The following DLGAP2 variants were observed in gnomAD, a reference collection of about 807,000 sequenced individuals.
The protein encoded by DLGAP2 is DLG associated protein 2, also known as disks large-associated protein 2.
A neutral mutation model predicts 100.3 loss-of-function variants in DLGAP2; 26 were observed. The ratio of observed to expected loss-of-function variants is 0.26; its 90% CI spans 0.19 to 0.36. DLGAP2 has a LOEUF of 0.36. DLGAP2 is among the 10% of genes least tolerant of loss of function. The probability of loss-of-function intolerance (pLI) is 1.00; values close to 1 mark genes in which losing one functional copy is unlikely to be tolerated. For missense variants in DLGAP2, 1,858 were observed against 1,453.2 expected, an observed-to-expected ratio of 1.28 and a Z score of -4.53; for synonymous variants, 886 against 630.1, an observed-to-expected ratio of 1.41 and a Z score of -6.08.
At position 1,121,059 on chromosome 8, in the gene DLGAP2, T is replaced by C. The variant is rs116943981; in HGVS notation, c.74-137792T>C. On this transcript the variant is annotated intron_variant, in intron 2 of 14. Transcript: ENST00000637795. ...CCTTGTCCCTTCAGAACCCATGACC[T>C]CCCATCCTTATCCCTTTAGAACCCC... Among the ~76,000 whole-genome samples the C allele has an allele frequency of 1.6e-3, 232 of 145,466 alleles. 4 individuals carry two copies. The East Asian group carries it at 0.039, about 24-fold the overall frequency.
chr8:982,510 A>T (rs369153656), intron 2 of DLGAP2, among the ~76,000 whole-genome samples: 1 of 152,194 alleles, frequency 6.6e-6, no homozygotes, highest in Non-Finnish European at 1.5e-5. Context: ...AAAGATTTTT[A>T]TGAAGTGATA....
At chr8:1,018,893 G>C (rs2129023792) in intron 2 of DLGAP2, 1 of 152,274 alleles carries the variant, frequency 6.6e-6, no homozygotes. Flanking sequence ...ATGACAAGCT[G>C]GTGTGGCTGA....
At chr8:1,468,662 A>C (rs938717373) in intron 3 of DLGAP2, among the ~76,000 whole-genome samples, 1 of 152,100 alleles carries the variant, frequency 6.6e-6, no homozygotes, top group African/African-American at 2.4e-5. Context: ...CGCTTTATTT[A>C]CTGGGGCTGC....
chr8:1,613,992 C>T (rs559932018), intron 6 of DLGAP2, among the ~76,000 whole-genome samples: 58 of 152,302 alleles, frequency 3.8e-4, no homozygotes, highest in Non-Finnish European at 6.8e-4. Flanking sequence ...CTTTGCAATG[C>T]GTGACCTGAC....
rs368549853 is a variant in DLGAP2, at chr8:927,876, C to A, written c.73+19910C>A. ...AAATTGCAAAAAACAAACAAAAAAA[C>A]CCCACAAAGGACCAGCACACAGATG... On this transcript the variant is annotated intron_variant, in intron 2 of 14. Transcript: ENST00000637795. 4.9e-3 allele frequency among the ~76,000 whole-genome samples: 752 copies of A among 152,294 alleles called. 12 individuals are homozygous for A. Among genetic ancestry groups the A allele is most frequent in the African/African-American group, 0.017 (707 of 41,542 alleles).
In DLGAP2 at chr8:1,559,312, G is replaced by A. The variant is rs987931804; in HGVS notation, c.1231-6371G>A. On this transcript the variant is annotated intron_variant, in intron 5 of 14. Coordinates refer to ENST00000637795, the MANE Select transcript of DLGAP2 (RefSeq NM_001346810.2). The stretch of plus-strand genomic sequence containing the variant: ...GCCATAAAGCCATTTTGGTTTCAGA[G>A]CGTGCACTAGGCCACCCTGGGCTGA... Among the ~76,000 whole-genome samples the A allele has an allele frequency of 9.9e-5, 15 of 152,222 alleles. 1 individual carries two copies. The highest frequency in any genetic ancestry group is 8.3e-4 in the South Asian group (4 of 4,836).
chr8:1,193,125 A>G lies in DLGAP2; in HGVS notation c.74-65726A>G, dbSNP rs535541828. Among the ~76,000 whole-genome samples, 807 of 152,242 alleles carry G rather than the reference A, an allele frequency of 5.3e-3. 8 individuals are homozygous for G. Among genetic ancestry groups the G allele is most frequent in the African/African-American group, 0.018 (766 of 41,512 alleles). On this transcript the variant is annotated intron_variant, in intron 2 of 14. Coordinates refer to ENST00000637795, the MANE Select transcript of DLGAP2 (RefSeq NM_001346810.2). ...CTTTGCTATGGTGAATAGTGCCGCT[A>G]TAAACATACGTGTGCATGTGTCTTT...
intron 1 of DLGAP2, among the ~76,000 whole-genome samples, chr8:874,624 C>T (rs1797656449): frequency 1.3e-5 from 2 of 152,126 alleles, no homozygotes; most frequent in Admixed American, 6.5e-5. Context: ...TGTTTTATGG[C>T]TTAACATATG....
chr8:1,503,688 C>T (rs1799802803), intron 4 of DLGAP2, among the ~76,000 whole-genome samples: 2 of 152,150 alleles, frequency 1.3e-5, no homozygotes, highest in African/African-American at 4.8e-5. Flanking sequence ...TGAGGAACCT[C>T]CACACTGCTT....
chr8:1,590,202 C>T (rs749324181), intron 6 of DLGAP2, among the ~76,000 whole-genome samples: 9 of 152,164 alleles, frequency 5.9e-5, no homozygotes, highest in Non-Finnish European at 1.2e-4. Context: ...CAACTCATTT[C>T]GTCTGCAGTG....
chr8:861,020 G>A (rs1454529781), intron 1 of DLGAP2, among the ~76,000 whole-genome samples: 1 of 152,144 alleles, frequency 6.6e-6, no homozygotes, highest in Admixed American at 6.5e-5. Flanking sequence ...AGGCCCTGAG[G>A]TTGATGTGTT....
At chr8:778,595 G>A (rs965958811) in intron 1 of DLGAP2, among the ~76,000 whole-genome samples, 26 of 152,242 alleles carry the variant, frequency 1.7e-4, no homozygotes, top group Middle Eastern at 3.4e-3. Flanking sequence ...GTCTTTTGGA[G>A]TACCCTGCCC....
chr8:974,021 A>C (rs1010473366), intron 2 of DLGAP2, among the ~76,000 whole-genome samples: 1 of 152,120 alleles, frequency 6.6e-6, no homozygotes, highest in South Asian at 2.1e-4. Context: ...GAAGAACTGT[A>C]GGAGAAATAC....
At position 1,565,820 on chromosome 8, in the gene DLGAP2, A is replaced by T. The variant is rs918658352; in HGVS notation, c.1368A>T (p.Thr456=). ...ESGESDSSPK[T]SPKSAILPEP... ...GAGAGTCAGACTCCAGCCCCAAGAC[A>T]TCACCAAAGTCGGCAATCCTACCAG... The change falls in exon 6 of 15, where the codon ACA becomes ACT. Residue 456 remains threonine, a synonymous_variant. Coordinates refer to ENST00000637795, the MANE Select transcript of DLGAP2 (RefSeq NM_001346810.2). 2 of 1,613,718 alleles carry T rather than the reference A, an allele frequency of 1.2e-6. No individual in the cohort carries two copies. Among genetic ancestry groups the T allele is most frequent in the African/African-American group, 2.7e-5 (2 of 74,916 alleles).
intron 3 of DLGAP2, among the ~76,000 whole-genome samples, chr8:1,418,030 T>C (rs1796980597): frequency 6.6e-6 from 1 of 151,980 alleles, no homozygotes; most frequent in Non-Finnish European, 1.5e-5. Context: ...TTCTGGACAG[T>C]GGAAGTGGGG....
chr8:1,456,336 G>A (rs764471828), intron 3 of DLGAP2, among the ~76,000 whole-genome samples: 5 of 152,122 alleles, frequency 3.3e-5, no homozygotes, highest in Admixed American at 1.3e-4. Flanking sequence ...TATTCATCAC[G>A]CCCTTTAAAT....
chr8:1,067,742 C>A (rs1803302146), intron 2 of DLGAP2, among the ~76,000 whole-genome samples: 1 of 152,068 alleles, frequency 6.6e-6, no homozygotes, highest in Non-Finnish European at 1.5e-5. Flanking sequence ...CACGCCCTCC[C>A]TCGTGACCCA....
intron 3 of DLGAP2, among the ~76,000 whole-genome samples, chr8:1,365,824 C>G (rs961083302): frequency 6.6e-6 from 1 of 152,238 alleles, no homozygotes; most frequent in Non-Finnish European, 1.5e-5. Flanking sequence ...TGTCGGGGCC[C>G]TGGGGGGCCG....
chr8:920,870 G>T (rs1798699043), intron 2 of DLGAP2, among the ~76,000 whole-genome samples: 1 of 152,216 alleles, frequency 6.6e-6, no homozygotes, highest in African/African-American at 2.4e-5. Flanking sequence ...GAGGATGAGG[G>T]CCGGGTTTAC....
Sources: gnomAD v4.1 joint callset for allele counts (sites outside exome capture counted in the v4.1 genomes callset) on GRCh38, gnomAD v4.1.1 for gene constraint, MANE v1.5 for transcripts, NCBI Gene and HGNC (gene_info 2026-07-23, HGNC 2026-07-21) for gene names.